Variants in ENTHD1 observed in about 807,000 individuals in gnomAD.
The protein encoded by ENTHD1 is ENTH domain-containing protein 1.
In ENTHD1, 23 loss-of-function variants were observed where a neutral mutation model predicts 39.1. The observed-to-expected ratio is 0.59, with a 90% CI of 0.42 to 0.83. The LOEUF (loss-of-function observed/expected upper bound fraction) is 0.83. Among genes scored for constraint, ENTHD1 ranks in the 40% least tolerant of loss-of-function variants. ENTHD1 has a pLI of 0.00. For synonymous variants in ENTHD1, 230 were observed against 258.2 expected (o/e 0.89, Z 1.05); for missense variants, 624 against 705.4 (o/e 0.88, Z 1.31).
Position 39,744,307 on chromosome 22 carries a change from A to G in ENTHD1, c.1220-24T>C, listed in dbSNP as rs757758541. 9 of 1,552,698 alleles carry G rather than the reference A, an allele frequency of 5.8e-6. No homozygotes were observed. The Admixed American group carries it at 1.9e-4, about 33-fold the overall frequency. On this transcript the variant is annotated intron_variant, in intron 6 of 6. Transcript: ENST00000325157. Reference sequence around the variant, plus strand: ...AACTAAAATGTGTAAATGAGAGAAAAAAGATTTATGCAACATACAAATGAG... The same window carrying G: ...AACTAAAATGTGTAAATGAGAGAAAGAAGATTTATGCAACATACAAATGAG...
intron 1 of ENTHD1, 133 bp from the exon 2 acceptor site, chr22:39,888,036 A>G: frequency 3.3e-6 from 1 of 301,172 alleles, no homozygotes. Flanking sequence ...AGGGTACCAT[A>G]TAACTGTTCC....
Position 39,861,923 on chromosome 22 carries a change from C to T in ENTHD1, c.434G>A (p.Cys145Tyr). 6.2e-7 allele frequency: 1 copy of T among 1,600,232 alleles called. No homozygotes were observed. The highest frequency in any genetic ancestry group is 8.5e-7 in the Non-Finnish European group (1 of 1,170,670). Residue 145 changes from cysteine to tyrosine, a missense_variant, in exon 3 of 7, where the codon TGT (cysteine) becomes TAT (tyrosine). By Grantham distance (194) the Cys-to-Tyr change is radical. Transcript: ENST00000325157. ...GTGGGAGGTACGCTGTCTAGTCCGA[C>T]ATGCCACTTCCCTCTCTTTACACAG... ...PLLCKEREVA[C>Y]RTRQRTSHSI...
At chr22:39,829,975 G>C (rs74572319) in intron 4 of ENTHD1, among the ~76,000 whole-genome samples, 2 of 151,898 alleles carry the variant, frequency 1.3e-5, no homozygotes, top group East Asian at 3.8e-4. Context: ...AAACTCCTTG[G>C]GCTCAAGTGA....
At chr22:39,892,646 A>T (rs1004160742) in intron 1 of ENTHD1, among the ~76,000 whole-genome samples, 2 of 152,158 alleles carry the variant, frequency 1.3e-5, no homozygotes, top group African/African-American at 4.8e-5. Context: ...AGAGGAGCTG[A>T]ACTGACTTTA....
In ENTHD1 at chr22:39,847,084, G is replaced by A. The variant is rs12160898; in HGVS notation, c.593-11126C>T. On this transcript the variant is annotated intron_variant, in intron 3 of 6. Transcript: ENST00000325157. ...ACACATGCACACGTATGTTTATTGCGTCACTATTCACAATAGCAAAGACTT... is the reference window on the plus strand; with the variant it reads ...ACACATGCACACGTATGTTTATTGCATCACTATTCACAATAGCAAAGACTT... Among the ~76,000 whole-genome samples the A allele has an allele frequency of 4.0e-3, 607 of 152,052 alleles. 2 individuals carry two copies. Among genetic ancestry groups the A allele is most frequent in the African/African-American group, 9.0e-3 (375 of 41,468 alleles).
chr22:39,879,884 T>C (rs1057244448), intron 2 of ENTHD1, among the ~76,000 whole-genome samples: 3 of 152,228 alleles, frequency 2.0e-5, no homozygotes, highest in African/African-American at 7.2e-5. Flanking sequence ...AGTAGGTGAA[T>C]GGATAAATTT....
intron 1 of ENTHD1, among the ~76,000 whole-genome samples, chr22:39,892,910 C>A (rs1259849852): frequency 6.6e-6 from 1 of 152,292 alleles, no homozygotes; most frequent in South Asian, 2.1e-4. Context: ...CTGTCAGAGG[C>A]AGAGAATCTA....
At chr22:39,778,178 A>C (rs1440880502) in intron 5 of ENTHD1, among the ~76,000 whole-genome samples, 1 of 152,206 alleles carries the variant, frequency 6.6e-6, no homozygotes, top group African/African-American at 2.4e-5. Context: ...ATCATGAAAC[A>C]GTCTGAAGAA....
intron 5 of ENTHD1, among the ~76,000 whole-genome samples, chr22:39,813,006 C>T (rs1235204785): frequency 6.6e-6 from 1 of 152,116 alleles, no homozygotes; most frequent in Non-Finnish European, 1.5e-5. Flanking sequence ...TGGTCTTGAA[C>T]TCCTGACCTC....
rs1016410996 is a variant in ENTHD1, at chr22:39,772,058, A to G, written c.833-6449T>C. On this transcript the variant is annotated intron_variant, in intron 5 of 6. Coordinates refer to ENST00000325157, the MANE Select transcript of ENTHD1 (RefSeq NM_152512.4). ...TAAATATAGTTTAAACGACTATAGC[A>G]GCAGTCCCCAAGCTTTTTGGCACCA... Among the ~76,000 whole-genome samples, 6 of 152,360 alleles carry G rather than the reference A, an allele frequency of 3.9e-5. No homozygotes were observed. The East Asian group carries it at 1.2e-3, about 29-fold the overall frequency.
intron 2 of ENTHD1, among the ~76,000 whole-genome samples, chr22:39,865,748 A>G (rs2066177251): frequency 2.0e-5 from 3 of 152,196 alleles, no homozygotes. Flanking sequence ...AAAGCTATAT[A>G]CAGTTTTAAT....
At chr22:39,880,670 T>C (rs2066329822) in intron 2 of ENTHD1, among the ~76,000 whole-genome samples, 1 of 152,180 alleles carries the variant, frequency 6.6e-6, no homozygotes, top group African/African-American at 2.4e-5. Flanking sequence ...TTAAAAAACT[T>C]TTTAATAAAA....
At chr22:39,838,222 T>G (rs954063167) in intron 3 of ENTHD1, among the ~76,000 whole-genome samples, 4 of 152,208 alleles carry the variant, frequency 2.6e-5, no homozygotes, top group African/African-American at 9.6e-5. Context: ...AATTTTAGTA[T>G]GAATTTTTTT....
chr22:39,805,895 T>C (rs956289149), intron 5 of ENTHD1, among the ~76,000 whole-genome samples: 3 of 152,154 alleles, frequency 2.0e-5, no homozygotes, highest in African/African-American at 7.2e-5. Flanking sequence ...CAACTAAGCA[T>C]GAATAAGATG....
At chr22:39,832,657 C>G (rs1293404078) in intron 4 of ENTHD1, among the ~76,000 whole-genome samples, 1 of 152,170 alleles carries the variant, frequency 6.6e-6, no homozygotes, top group Non-Finnish European at 1.5e-5. Flanking sequence ...GAAAGAACAG[C>G]AAGTCCTGCT....
chr22:39,747,720 A>C (rs1275352955), intron 6 of ENTHD1, among the ~76,000 whole-genome samples: 2 of 152,110 alleles, frequency 1.3e-5, no homozygotes, highest in Non-Finnish European at 2.9e-5. Context: ...AATACCTTCC[A>C]TTACTCTTAG....
intron 5 of ENTHD1, among the ~76,000 whole-genome samples, chr22:39,773,340 T>C (rs1301658968): frequency 6.6e-6 from 1 of 152,098 alleles, no homozygotes; most frequent in African/African-American, 2.4e-5. Context: ...TTTGCAAGCG[T>C]GCAGGTACAC....
At chr22:39,768,196 TC>T in intron 5 of ENTHD1, among the ~76,000 whole-genome samples, 1 of 152,250 alleles carries the variant, frequency 6.6e-6, no homozygotes, top group South Asian at 2.1e-4. Flanking sequence ...CCTCTCCAAT[TC>T]AATTACTACT....
chr22:39,770,052 GGTT>G (rs774380034), intron 5 of ENTHD1, among the ~76,000 whole-genome samples: 2 of 152,122 alleles, frequency 1.3e-5, no homozygotes, highest in Non-Finnish European at 1.5e-5. Flanking sequence ...AGACAAAGAG[GGTT>G]GTTGTTGTTG....
Sources: allele counts gnomAD v4.1 joint callset (sites outside exome capture counted in the v4.1 genomes callset), GRCh38; gene constraint gnomAD v4.1.1; transcripts MANE v1.5; gene names NCBI Gene and HGNC (gene_info 2026-07-23, HGNC 2026-07-21).